ACYP2: variants seen among roughly 807,000 people sequenced by gnomAD.
The protein encoded by ACYP2 is acylphosphatase 2.
ACYP2 carries 12 observed loss-of-function variants against 11.2 expected under a neutral mutation model. That is an observed-to-expected ratio of 1.08 (90% CI 0.69 to 1.74). The LOEUF (loss-of-function observed/expected upper bound fraction) is 1.74, where lower values mean the gene tolerates loss of function less well. Ranked by LOEUF, ACYP2 falls within the 40% of genes most tolerant of loss-of-function variation. ACYP2 has a pLI of 0.00. For missense variants in ACYP2, 134 were observed against 101.9 expected (o/e 1.31, Z -1.35); for synonymous variants, 43 against 32.2 (o/e 1.33, Z -1.13).
At chr2:54,018,922 A>G (rs894475201) in intron 2 of ACYP2, among the ~76,000 whole-genome samples, 3 of 151,440 alleles carry the variant, frequency 2.0e-5, no homozygotes. Context: ...TAATTTTTGT[A>G]TTTTTCGAAG....
At chr2:54,008,795 T>C (rs1178477922) in intron 2 of ACYP2, among the ~76,000 whole-genome samples, 1 of 152,122 alleles carries the variant, frequency 6.6e-6, no homozygotes, top group African/African-American at 2.4e-5. Context: ...AGGAGAAGCA[T>C]TCTCTGCTAG....
At chr2:54,251,623 T>C (rs1687229879) in intron 6 of ACYP2, among the ~76,000 whole-genome samples, 1 of 152,124 alleles carries the variant, frequency 6.6e-6, no homozygotes, top group Non-Finnish European at 1.5e-5. Context: ...CCCATGTGTC[T>C]CATGTTTCTG....
chr2:54,165,133 C>G (rs1216548934), intron 6 of ACYP2, among the ~76,000 whole-genome samples: 4 of 151,990 alleles, frequency 2.6e-5, no homozygotes, highest in East Asian at 1.9e-4. Context: ...TGGGTTGGTT[C>G]CATGTCTTTG....
intron 6 of ACYP2, among the ~76,000 whole-genome samples, chr2:54,201,610 T>TTTCTC (rs1491469360): frequency 1.2e-5 from 1 of 85,580 alleles, no homozygotes; most frequent in African/African-American, 4.6e-5. Flanking sequence ...CTTTCTTTCT[T>TTTCTC]TCTTTCTTTC....
At chr2:54,167,670 A>G (rs1683051008) in intron 6 of ACYP2, among the ~76,000 whole-genome samples, 1 of 152,208 alleles carries the variant, frequency 6.6e-6, no homozygotes, top group South Asian at 2.1e-4. Context: ...TGATATCATC[A>G]TGGTTATGTA....
At chr2:54,087,400 T>TG (rs34905819) in intron 4 of ACYP2, among the ~76,000 whole-genome samples, 1 of 152,206 alleles carries the variant, frequency 6.6e-6, no homozygotes, top group East Asian at 1.9e-4. Context: ...CAGGCTGAAT[T>TG]ACAGTGGCGC....
chr2:54,252,234 C>A (rs553110172), intron 6 of ACYP2, among the ~76,000 whole-genome samples: 78 of 152,294 alleles, frequency 5.1e-4, no homozygotes, highest in Admixed American at 9.8e-4. Flanking sequence ...CATATTATTG[C>A]ATGTAGGCAT....
At chr2:53,977,984 G>C (rs983569200) in intron 2 of ACYP2, among the ~76,000 whole-genome samples, 1 of 151,970 alleles carries the variant, frequency 6.6e-6, no homozygotes, top group African/African-American at 2.4e-5. Context: ...ACTTCTGGCT[G>C]GGCATGGTGG....
chr2:54,118,152 A>C (rs1679924349), intron 4 of ACYP2, among the ~76,000 whole-genome samples: 1 of 152,234 alleles, frequency 6.6e-6, no homozygotes, highest in East Asian at 1.9e-4. Flanking sequence ...GTGGAAGTTG[A>C]AGATCTGGAA....
intron 4 of ACYP2, among the ~76,000 whole-genome samples, chr2:54,114,663 G>A (rs1177563424): frequency 1.3e-5 from 2 of 152,170 alleles, no homozygotes; most frequent in African/African-American, 2.4e-5. Flanking sequence ...CAGTCTGGGA[G>A]ACAAGAGCGA....
At chr2:54,201,352 A>G (rs10182300) in intron 6 of ACYP2, among the ~76,000 whole-genome samples, 53,381 of 151,556 alleles carry the variant, frequency 0.35, 10,360 homozygotes, top group African/African-American at 0.53. Flanking sequence ...TGATCCACCT[A>G]CCTTGGCCTC....
chr2:54,041,823 C>A (rs961806947), intron 2 of ACYP2, among the ~76,000 whole-genome samples: 13 of 151,954 alleles, frequency 8.6e-5, no homozygotes, highest in African/African-American at 3.1e-4. Flanking sequence ...TGGGGTCTTG[C>A]TCTGTTGCCC....
chr2:54,282,059 T>C (rs1688871980), intron 6 of ACYP2, among the ~76,000 whole-genome samples: 1 of 152,218 alleles, frequency 6.6e-6, no homozygotes, highest in Non-Finnish European at 1.5e-5. Context: ...TATGTTGTTA[T>C]TCATAATTCA....
chr2:54,234,510 G>C (rs753586791), intron 6 of ACYP2, among the ~76,000 whole-genome samples: 72 of 152,178 alleles, frequency 4.7e-4, no homozygotes, highest in Middle Eastern at 3.2e-3. Flanking sequence ...CTCTGCTTTT[G>C]TCTGCAGCTG....
chr2:54,081,443 A>G (rs1677643104), intron 4 of ACYP2, among the ~76,000 whole-genome samples: 1 of 152,202 alleles, frequency 6.6e-6, no homozygotes, highest in Non-Finnish European at 1.5e-5. Context: ...GTTTAGATAT[A>G]TTTAGATACA....
At chr2:54,175,969 C>T (rs1683441345) in intron 6 of ACYP2, among the ~76,000 whole-genome samples, 1 of 152,148 alleles carries the variant, frequency 6.6e-6, no homozygotes, top group Non-Finnish European at 1.5e-5. Flanking sequence ...CCTTGGAGAG[C>T]TCTCACACCC....
chr2:54,135,114 C>T (rs986742261), intron 4 of ACYP2, among the ~76,000 whole-genome samples: 2 of 152,124 alleles, frequency 1.3e-5, no homozygotes, highest in Admixed American at 6.6e-5. Context: ...AAGGGTTACT[C>T]GAACACAAGC....
chr2:54,207,173 A>ATATG (rs1685108257), intron 6 of ACYP2, among the ~76,000 whole-genome samples: 6 of 138,650 alleles, frequency 4.3e-5, no homozygotes, highest in African/African-American at 1.6e-4. Context: ...CAACATGTAT[A>ATATG]TGTGTGTGTG....
At chr2:54,055,058 A>G (rs1410601416) in intron 3 of ACYP2, among the ~76,000 whole-genome samples, 1 of 152,048 alleles carries the variant, frequency 6.6e-6, no homozygotes, top group Non-Finnish European at 1.5e-5. Flanking sequence ...CTTTTTTTAG[A>G]CAGAGTCTCG....
Sources: allele counts gnomAD v4.1 joint callset (sites outside exome capture counted in the v4.1 genomes callset), GRCh38; gene constraint gnomAD v4.1.1; transcripts MANE v1.5; gene names NCBI Gene and HGNC (gene_info 2026-07-23, HGNC 2026-07-21).